Variants in NARS2 observed in about 807,000 individuals in gnomAD.
NARS2 encodes asparaginyl-tRNA synthetase.
Under a neutral mutation model 62.9 loss-of-function variants are expected in NARS2, and 60 were observed. The ratio of observed to expected loss-of-function variants is 0.95; its 90% CI spans 0.77 to 1.18. The LOEUF is 1.18. Ranked by LOEUF, NARS2 falls within the 50% of genes most tolerant of loss-of-function variation. The pLI is 0.00. For synonymous variants in NARS2, 196 were observed against 200.0 expected (o/e 0.98, Z 0.17); for missense variants, 619 against 576.4 (o/e 1.07, Z -0.76).
chr11:78,527,623 T>C (rs567426217), intron 6 of NARS2, among the ~76,000 whole-genome samples: 11 of 152,334 alleles, frequency 7.2e-5, no homozygotes, highest in Non-Finnish European at 1.5e-4. Context: ...ATGCAAACTA[T>C]TCTATTACAT....
At position 78,450,455 on chromosome 11, in the gene NARS2, A is replaced by G. The variant is rs550171420; in HGVS notation, c.1165-6697T>C. ...TCATCTTTGTTCTTTCTTTGCCTACATGGTCTGAAAATTCACATTCTCTCC... is the reference window on the plus strand; with the variant it reads ...TCATCTTTGTTCTTTCTTTGCCTACGTGGTCTGAAAATTCACATTCTCTCC... On this transcript the variant is annotated intron_variant, in intron 11 of 13. Coordinates refer to ENST00000281038, the MANE Select transcript of NARS2 (RefSeq NM_024678.6). Among the ~76,000 whole-genome samples the G allele has an allele frequency of 2.0e-5, 3 of 152,256 alleles. No individual in the cohort carries two copies. In the East Asian group the frequency reaches 5.8e-4, roughly 29 times the overall value.
chr11:78,550,236 C>A (rs1856047937), intron 5 of NARS2, among the ~76,000 whole-genome samples: 1 of 152,208 alleles, frequency 6.6e-6, no homozygotes, highest in Non-Finnish European at 1.5e-5. Flanking sequence ...GACCTTTAAT[C>A]CTTCCAACAA....
At chr11:78,478,918 T>C (rs1859227708) in intron 7 of NARS2, among the ~76,000 whole-genome samples, 1 of 152,194 alleles carries the variant, frequency 6.6e-6, no homozygotes, top group Non-Finnish European at 1.5e-5. Flanking sequence ...ACAGTTTCAA[T>C]GCTGGTAAAG....
chr11:78,500,984 T>C (rs935214679), intron 6 of NARS2, among the ~76,000 whole-genome samples: 2 of 151,940 alleles, frequency 1.3e-5, no homozygotes, highest in Admixed American at 1.3e-4. Flanking sequence ...CCCAGCTAGC[T>C]GGGAGGCTGA....
rs560478438 is a variant in NARS2 at position 78,513,951 on chromosome 11, T to TAC, written c.689+14889_689+14890dup. 2.2e-4 allele frequency among the ~76,000 whole-genome samples: 34 copies of TAC among 152,184 alleles called. No individual in the cohort carries two copies. In the South Asian group the frequency reaches 6.6e-3, roughly 30 times the overall value. On this transcript the variant is annotated intron_variant, in intron 6 of 13. Transcript: ENST00000281038. The stretch of plus-strand genomic sequence containing the variant: ...TTTAAAAGTATGTGACACACCCCCC[T>TAC]ACACACACACTTGCTCCCATTCTCA...
chr11:78,549,646 T>C (rs1056544291), intron 5 of NARS2, among the ~76,000 whole-genome samples: 3 of 152,160 alleles, frequency 2.0e-5, no homozygotes, highest in African/African-American at 7.2e-5. Flanking sequence ...ATAAATTTGA[T>C]TGGATCAGTT....
At chr11:78,512,619 T>C (rs1590798869) in intron 6 of NARS2, among the ~76,000 whole-genome samples, 1 of 152,188 alleles carries the variant, frequency 6.6e-6, no homozygotes, top group South Asian at 2.1e-4. Flanking sequence ...CCAATTTATC[T>C]CTGTACTGCA....
intron 4 of NARS2, among the ~76,000 whole-genome samples, chr11:78,561,537 T>C (rs1856555078): frequency 6.6e-6 from 1 of 152,206 alleles, no homozygotes; most frequent in African/African-American, 2.4e-5. Context: ...TAATACACAT[T>C]CTAAAACCAG....
chr11:78,574,347 C>T lies in NARS2; in HGVS notation c.141+1G>A, dbSNP rs753840375. On this transcript the variant is annotated splice_donor_variant, in intron 1 of 13. Coordinates refer to ENST00000281038, the MANE Select transcript of NARS2 (RefSeq NM_024678.6). LOFTEE classifies it high-confidence loss of function. ...AACCCACTCCCTTCCCATTCACCAA[C>T]CTGGATCTTAATGCGCTCCCCACTC... 1.9e-6 allele frequency: 3 copies of T among 1,614,258 alleles called. No homozygotes were observed. In the East Asian group the frequency reaches 6.7e-5, roughly 36 times the overall value.
intron 6 of NARS2, among the ~76,000 whole-genome samples, chr11:78,508,576 T>C (rs184861628): frequency 7.2e-6 from 1 of 139,664 alleles, no homozygotes; most frequent in Non-Finnish European, 1.5e-5. Flanking sequence ...TGACAGAGGG[T>C]GACTCCATCT....
intron 9 of NARS2, among the ~76,000 whole-genome samples, chr11:78,470,113 T>C (rs1858806091): frequency 6.6e-6 from 1 of 152,086 alleles, no homozygotes; most frequent in Admixed American, 6.5e-5. Context: ...CACAGGAAAT[T>C]ACATAGGAAA....
Position 78,568,640 on chromosome 11 carries a change from C to T in NARS2, c.364G>A (p.Asp122Asn), listed in dbSNP as rs1280481942. 5.6e-6 allele frequency: 9 copies of T among 1,611,840 alleles called. No individual in the cohort carries two copies. The highest frequency in any genetic ancestry group is 1.7e-4 in the Middle Eastern group (1 of 6,048). Reference protein sequence around the residue: ...AEKIKVIGNCDAKDFPIKYKE... With the variant: ...AEKIKVIGNCNAKDFPIKYKE... Reference sequence around the variant, plus strand: ...AGTGTCAGAAATCATACCTTGGCATCACAATTTCCAATAACTTTAATTTTT... The same window carrying T: ...AGTGTCAGAAATCATACCTTGGCATTACAATTTCCAATAACTTTAATTTTT... The change falls in exon 3 of 14, where the codon GAT (aspartate) becomes AAT (asparagine). Residue 122 changes from aspartate (D) to asparagine (N), a missense_variant. Asp to Asn is a conservative substitution (Grantham distance 23). Transcript: ENST00000281038.
rs189959794 is a variant in NARS2, at chr11:78,560,874, A to C, written c.514-1255T>G. ...ATAAAATTTTTATCTCCTAGGAGCC[A>C]AGAATCATGGACATGAAACATTTCT... On this transcript the variant is annotated intron_variant, in intron 4 of 13. Transcript: ENST00000281038. Among the ~76,000 whole-genome samples the C allele has an allele frequency of 2.4e-3, 371 of 152,380 alleles. 7 individuals carry two copies. The highest frequency in any genetic ancestry group is 0.015 in the Admixed American group (237 of 15,306).
At chr11:78,458,906 GT>G (rs897526853) in intron 11 of NARS2, among the ~76,000 whole-genome samples, 12 of 146,980 alleles carry the variant, frequency 8.2e-5, no homozygotes, top group East Asian at 2.0e-4. Context: ...CTGATGGTGG[GT>G]TTTTTTTTTG....
chr11:78,545,416 T>A (rs188196883), intron 5 of NARS2, among the ~76,000 whole-genome samples: 1 of 152,180 alleles, frequency 6.6e-6, no homozygotes, highest in Non-Finnish European at 1.5e-5. Flanking sequence ...CTTGAAAACC[T>A]GAGGCTGCTC....
At chr11:78,511,940 A>C (rs896870915) in intron 6 of NARS2, among the ~76,000 whole-genome samples, 7 of 152,222 alleles carry the variant, frequency 4.6e-5, no homozygotes, top group Non-Finnish European at 1.0e-4. Flanking sequence ...TCTGCTACTT[A>C]ATTATTTAAA....
intron 7 of NARS2, among the ~76,000 whole-genome samples, chr11:78,480,642 G>A (rs988047466): frequency 6.6e-6 from 1 of 150,666 alleles, no homozygotes; most frequent in African/African-American, 2.4e-5. Flanking sequence ...AAATTGGTGA[G>A]CATGTGGCTA....
chr11:78,542,023 C>T (rs1270089163), intron 5 of NARS2, among the ~76,000 whole-genome samples: 2 of 152,170 alleles, frequency 1.3e-5, no homozygotes, highest in Non-Finnish European at 2.9e-5. Context: ...GTTTATGTTT[C>T]CATACTTTCC....
chr11:78,449,663 T>G (rs1235186135), intron 11 of NARS2, among the ~76,000 whole-genome samples: 3 of 152,060 alleles, frequency 2.0e-5, no homozygotes, highest in African/African-American at 7.2e-5. Context: ...GGTTTCTCAA[T>G]CTCAACATTA....
Sources: allele counts gnomAD v4.1 joint callset (sites outside exome capture counted in the v4.1 genomes callset), GRCh38; gene constraint gnomAD v4.1.1; transcripts MANE v1.5; gene names NCBI Gene and HGNC (gene_info 2026-07-23, HGNC 2026-07-21).